The following CRADD variants were observed in gnomAD, a reference collection of about 807,000 sequenced individuals.
CRADD encodes CARD and death domain containing adaptor protein.
CRADD carries 9 observed loss-of-function variants against 15.5 expected under a neutral mutation model. That is an observed-to-expected ratio of 0.58 (90% confidence interval 0.35 to 1.01). The LOEUF is 1.01. Among genes scored for constraint, CRADD ranks in the 50% least tolerant of loss-of-function variants. CRADD has a pLI of 0.02. For missense variants in CRADD, 227 were observed against 250.3 expected (o/e 0.91, Z 0.63); for synonymous variants, 118 against 107.6 (o/e 1.10, Z -0.60).
At chr12:93,732,843 G>A (rs1006980672) in intron 2 of CRADD, among the ~76,000 whole-genome samples, 5 of 152,218 alleles carry the variant, frequency 3.3e-5, no homozygotes, top group Non-Finnish European at 5.9e-5. Flanking sequence ...TGTTCAGTAA[G>A]TGGTTGCTCT....
At chr12:93,834,705 C>T (rs1390730273) in intron 2 of CRADD, among the ~76,000 whole-genome samples, 1 of 152,228 alleles carries the variant, frequency 6.6e-6, no homozygotes, top group African/African-American at 2.4e-5. Flanking sequence ...TCAGGCTAGT[C>T]TCAAGCTGCC....
intron 2 of CRADD, among the ~76,000 whole-genome samples, chr12:93,739,768 C>CA (rs1301421952): frequency 6.6e-6 from 1 of 152,008 alleles, no homozygotes; most frequent in African/African-American, 2.4e-5. Context: ...TTTAACAAAG[C>CA]AAAAAACCCA....
At position 93,775,070 on chromosome 12, in the gene CRADD, T is replaced by A. The variant is rs138429955; in HGVS notation, c.299-74900T>A. On this transcript the variant is annotated intron_variant, in intron 2 of 2. Coordinates refer to ENST00000332896, the MANE Select transcript of CRADD (RefSeq NM_003805.5). The stretch of plus-strand genomic sequence containing the variant: ...AGTTGTGGATGTGCATTGAGAAAAA[T>A]GAAAGAAAGAAACTGACAAAAACCC... 3.3e-3 allele frequency among the ~76,000 whole-genome samples: 504 copies of A among 152,078 alleles called. 5 individuals carry two copies. Among genetic ancestry groups the A allele is most frequent in the African/African-American group, 0.012 (485 of 41,482 alleles).
intron 2 of CRADD, among the ~76,000 whole-genome samples, chr12:93,865,207 C>T (rs560768830): frequency 5.3e-5 from 8 of 152,092 alleles, no homozygotes; most frequent in Non-Finnish European, 1.0e-4. Flanking sequence ...AACAGATAGC[C>T]TAGGGTGATG....
At chr12:93,781,099 G>C (rs890320753) in intron 2 of CRADD, among the ~76,000 whole-genome samples, 3 of 151,864 alleles carry the variant, frequency 2.0e-5, no homozygotes, top group Admixed American at 1.3e-4. Context: ...ACCATCTAGA[G>C]CAAAGCCATC....
chr12:93,735,090 G>A lies in CRADD; in HGVS notation c.298+56018G>A, dbSNP rs60726753. ...GAACACTAGTTATGTCATTTTCACC[G>A]CTGTTTCCCTGGCTAGCACTGGGCC... On this transcript the variant is annotated intron_variant, in intron 2 of 2. Transcript: ENST00000332896. 6.7e-3 allele frequency among the ~76,000 whole-genome samples: 1,018 copies of A among 152,232 alleles called. 18 individuals carry two copies. Among genetic ancestry groups the A allele is most frequent in the African/African-American group, 0.022 (923 of 41,532 alleles).
chr12:93,822,361 G>A (rs1957778193), intron 2 of CRADD, among the ~76,000 whole-genome samples: 1 of 152,098 alleles, frequency 6.6e-6, no homozygotes, highest in Non-Finnish European at 1.5e-5. Flanking sequence ...TCTTCCTGTT[G>A]TCTTTAGAGG....
intron 2 of CRADD, among the ~76,000 whole-genome samples, chr12:93,780,291 A>C (rs1477608192): frequency 6.6e-6 from 1 of 152,268 alleles, no homozygotes; most frequent in South Asian, 2.1e-4. Flanking sequence ...AGATAATGAT[A>C]ATAATAGTTG....
Position 93,695,607 on chromosome 12 carries a change from A to G in CRADD, c.298+16535A>G, listed in dbSNP as rs1291013709. On this transcript the variant is annotated intron_variant, in intron 2 of 2. Coordinates refer to ENST00000332896, the MANE Select transcript of CRADD (RefSeq NM_003805.5). ...AAACTCAATAGCAAGAAAACAACCC[A>G]ATTAAAAAATGGGCGGCCAGCGCAG... Among the ~76,000 whole-genome samples, 3 of 152,296 alleles carry G rather than the reference A, an allele frequency of 2.0e-5. No homozygotes were observed. In the East Asian group the frequency reaches 5.8e-4, roughly 29 times the overall value.
At chr12:93,714,004 C>G (rs906260930) in intron 2 of CRADD, among the ~76,000 whole-genome samples, 6 of 152,178 alleles carry the variant, frequency 3.9e-5, no homozygotes, top group Non-Finnish European at 8.8e-5. Context: ...GATATGACAG[C>G]TGCCTTCAGC....
rs1955453357 is a variant in CRADD at position 93,686,896 on chromosome 12, T to A, written c.298+7824T>A. On this transcript the variant is annotated intron_variant, in intron 2 of 2. Coordinates refer to ENST00000332896, the MANE Select transcript of CRADD (RefSeq NM_003805.5). ...GTGTTAATAATTGAAAGAGGCTTTT[T>A]AAAAATTGTACTAATGCATTTTTTT... Among the ~76,000 whole-genome samples, 3 of 151,934 alleles carry A rather than the reference T, an allele frequency of 2.0e-5. No homozygotes were observed. The South Asian group carries it at 6.2e-4, about 32-fold the overall frequency.
At chr12:93,871,732 G>A (rs575798527) in intron 2 of CRADD, among the ~76,000 whole-genome samples, 1 of 152,264 alleles carries the variant, frequency 6.6e-6, no homozygotes, top group African/African-American at 2.4e-5. Context: ...TGTTGCAAAT[G>A]ATTGGATTTG....
intron 2 of CRADD, among the ~76,000 whole-genome samples, chr12:93,878,431 A>G (rs2137071188): frequency 6.6e-6 from 1 of 152,230 alleles, no homozygotes; most frequent in East Asian, 1.9e-4. Flanking sequence ...TTTTGGAGCC[A>G]TGAGCTGTGT....
In CRADD at chr12:93,864,904, G is replaced by T. The variant is rs75785325; in HGVS notation, c.299-29146G>T. Among the ~76,000 whole-genome samples the T allele has an allele frequency of 2.2e-4, 33 of 152,264 alleles. 1 individual carries two copies. The East Asian group carries it at 6.4e-3, about 29-fold the overall frequency. On this transcript the variant is annotated intron_variant, in intron 2 of 2. Coordinates refer to the CRADD transcript ENST00000548483. Reference sequence around the variant, plus strand: ...ATCATAGAACCAACCTCATAACACCGTTATAAGGAGGCAATGAGAGAGTAT... The same window carrying T: ...ATCATAGAACCAACCTCATAACACCTTTATAAGGAGGCAATGAGAGAGTAT...
At chr12:93,880,923 C>T (rs1958494766) in intron 2 of CRADD, among the ~76,000 whole-genome samples, 1 of 152,186 alleles carries the variant, frequency 6.6e-6, no homozygotes, top group African/African-American at 2.4e-5. Context: ...AAAGGCTTTC[C>T]TTCTCAGAAA....
At chr12:93,779,385 G>A (rs1208227893) in intron 2 of CRADD, among the ~76,000 whole-genome samples, 2 of 151,846 alleles carry the variant, frequency 1.3e-5, no homozygotes, top group East Asian at 3.9e-4. Flanking sequence ...AGAAAAGTTG[G>A]ACATAACCAA....
intron 2 of CRADD, among the ~76,000 whole-genome samples, chr12:93,709,940 C>T (rs1956031287): frequency 6.6e-6 from 1 of 152,172 alleles, no homozygotes; most frequent in Non-Finnish European, 1.5e-5. Context: ...TATACCATTT[C>T]TTTGTCTTTT....
chr12:93,838,647 C>T (rs1245512067), intron 2 of CRADD, among the ~76,000 whole-genome samples: 3 of 150,580 alleles, frequency 2.0e-5, no homozygotes, highest in African/African-American at 7.3e-5. Context: ...CTTTTCCATT[C>T]ATATACTCAC....
chr12:93,789,403 T>C (rs1027637225), intron 2 of CRADD, among the ~76,000 whole-genome samples: 5 of 152,178 alleles, frequency 3.3e-5, no homozygotes, highest in Non-Finnish European at 7.4e-5. Flanking sequence ...AGTATTCGAC[T>C]TCCAGTATTT....
Sources: allele counts gnomAD v4.1 joint callset (sites outside exome capture counted in the v4.1 genomes callset), GRCh38; gene constraint gnomAD v4.1.1; transcripts MANE v1.5; gene names NCBI Gene and HGNC (gene_info 2026-07-23, HGNC 2026-07-21).